PTP4A1: variants seen among roughly 807,000 people sequenced by gnomAD.
PTP4A1 encodes protein tyrosine phosphatase 4A1.
A neutral mutation model predicts 20.5 loss-of-function variants in PTP4A1; 9 were observed. The observed-to-expected ratio is 0.44, with a 90% confidence interval of 0.26 to 0.77. The LOEUF (loss-of-function observed/expected upper bound fraction) is 0.77. Among genes scored for constraint, PTP4A1 ranks in the 30% least tolerant of loss-of-function variants. PTP4A1 has a pLI of 0.19. For missense variants in PTP4A1, 137 were observed against 218.8 expected, an observed-to-expected ratio of 0.63 and a Z score of 2.36; for synonymous variants, 78 against 67.4, an observed-to-expected ratio of 1.16 and a Z score of -0.77.
At chr6:63,567,744 T>C (rs1777250551), upstream of PTP4A1, among the ~76,000 whole-genome samples, 1 of 152,254 alleles carries the variant, frequency 6.6e-6, no homozygotes, top group Non-Finnish European at 1.5e-5. Context: ...TATGAAAGTC[T>C]TGGACAGCAT....
intron 2 of PTP4A1, among the ~76,000 whole-genome samples, chr6:63,545,789 T>G (rs950792416): frequency 6.6e-6 from 1 of 152,194 alleles, no homozygotes; most frequent in Non-Finnish European, 1.5e-5. Flanking sequence ...ACTCTGAGAT[T>G]CATTCTAGCT....
chr6:63,550,902 A>G (rs1160566154), intron 3 of PTP4A1, among the ~76,000 whole-genome samples: 3 of 152,158 alleles, frequency 2.0e-5, no homozygotes, highest in Admixed American at 6.5e-5. Context: ...TTTGGATTAC[A>G]TGGATGAGCC....
chr6:63,579,745 C>A (rs1265315143), intron 5 of PTP4A1, among the ~76,000 whole-genome samples: 1 of 152,186 alleles, frequency 6.6e-6, no homozygotes, highest in Non-Finnish European at 1.5e-5. Context: ...TTGTAGTCAT[C>A]TTCCCTGCTA....
In PTP4A1 at chr6:63,523,398, A is replaced by G. The variant is rs190202893; in HGVS notation, c.-906+1572A>G. Among the ~76,000 whole-genome samples, 152 of 152,048 alleles carry G rather than the reference A, an allele frequency of 1.0e-3. 1 individual carries two copies. Among genetic ancestry groups the G allele is most frequent in the African/African-American group, 3.4e-3 (141 of 41,508 alleles). ...AAAACACAAAAATTAGCCAGGCATG[A>G]TGGGGCATGCCTGTAGTCCCAGCTA... On this transcript the variant is annotated intron_variant, in intron 1 of 3. Coordinates refer to the PTP4A1 transcript ENST00000639568.
chr6:63,546,706 C>CAA (rs34935752), intron 2 of PTP4A1, among the ~76,000 whole-genome samples: 15 of 140,320 alleles, frequency 1.1e-4, no homozygotes, highest in African/African-American at 3.7e-4. Flanking sequence ...AACTCCATCT[C>CAA]AAAAAAAAAA....
At chr6:63,577,039 C>A in intron 2 of PTP4A1, 54 bp downstream of exon 2, 2 of 1,362,232 alleles carry the variant, frequency 1.5e-6, no homozygotes, top group South Asian at 1.2e-5. Flanking sequence ...AATAGTGGGA[C>A]TTATAGCTAA....
At chr6:63,540,297 C>T (rs1325855744) in intron 2 of PTP4A1, among the ~76,000 whole-genome samples, 1 of 152,052 alleles carries the variant, frequency 6.6e-6, no homozygotes, top group Non-Finnish European at 1.5e-5. Context: ...AAATCCAGTC[C>T]TTAAAATCCA....
intron 2 of PTP4A1, among the ~76,000 whole-genome samples, chr6:63,529,151 A>ATATATATGTGTGTATATATATATATG (rs1775334207): frequency 3.7e-5 from 4 of 106,724 alleles, no homozygotes; most frequent in Admixed American, 1.9e-4. Flanking sequence ...ATATATATGT[A>ATATATATGTGTGTATATATATATATG]TATATATGTG....
exon 3 of PTP4A1, chr6:63,550,300 G>A (rs1421059215): frequency 2.0e-5 from 3 of 152,116 alleles, no homozygotes; most frequent in Non-Finnish European, 4.4e-5. Flanking sequence ...AATCAACCAG[G>A]GCAGTGTGCC....
chr6:63,533,151 G>A (rs1775548631), intron 2 of PTP4A1, among the ~76,000 whole-genome samples: 1 of 152,224 alleles, frequency 6.6e-6, no homozygotes, highest in African/African-American at 2.4e-5. Context: ...GGAGGCTGAG[G>A]CAGGTGGGTC....
Position 63,572,695 on chromosome 6 carries a change from A to G in PTP4A1, c.-470A>G, listed in dbSNP as rs914770746. On this transcript the variant is annotated 5_prime_UTR_variant, in exon 1 of 6. Coordinates refer to ENST00000626021, the MANE Select transcript of PTP4A1 (RefSeq NM_003463.5). Reference sequence around the variant, plus strand: ...GGACCGGCTGTATGATTAGGCCACAATCTTCAATGAGTAAACATATTCCTG... The same window carrying G: ...GGACCGGCTGTATGATTAGGCCACAGTCTTCAATGAGTAAACATATTCCTG... 6 of 402,068 alleles carry G rather than the reference A, an allele frequency of 1.5e-5. No individual in the cohort carries two copies. The highest frequency in any genetic ancestry group is 4.4e-5 in the Admixed American group (1 of 22,726). 24.9% of individuals were successfully genotyped at this position (402,068 alleles called of 1,614,324 possible). A position where few individuals can be genotyped will look rare whatever the true frequency, so the allele number is the denominator to read the frequency against.
Position 63,581,391 on chromosome 6 carries a change from C to T in PTP4A1, c.*1217C>T, listed in dbSNP as rs1778213585. The T allele has an allele frequency of 6.6e-6, 1 of 152,464 alleles. No homozygotes were observed. Among genetic ancestry groups the T allele is most frequent in the African/African-American group, 2.4e-5 (1 of 41,406 alleles). 9.4% of individuals were successfully genotyped at this position (152,464 alleles called of 1,614,324 possible). On this transcript the variant is annotated 3_prime_UTR_variant, in exon 6 of 6. Coordinates refer to ENST00000626021, the MANE Select transcript of PTP4A1 (RefSeq NM_003463.5). ...GAGAAATAATTTTGTCAGTGTTCAC[C>T]AGCTTGTAAAAACTTAGTGCGAGAG...
At chr6:63,578,381 T>G in intron 2 of PTP4A1, 56 bp from the exon 3 acceptor site, 3 of 1,534,104 alleles carry the variant, frequency 2.0e-6, no homozygotes, top group Non-Finnish European at 2.6e-6. Flanking sequence ...TATAAAATGT[T>G]GAGTTATAGT....
At position 63,582,010 on chromosome 6, in the gene PTP4A1, C is replaced by T. The variant is rs1310594185; in HGVS notation, c.*1836C>T. 3 of 152,076 alleles carry T rather than the reference C, an allele frequency of 2.0e-5. No individual in the cohort carries two copies. The highest frequency in any genetic ancestry group is 4.4e-5 in the Non-Finnish European group (3 of 67,994). 9.4% of individuals were successfully genotyped at this position (152,076 alleles called of 1,614,324 possible). ...AGTTTAAGTAAAAAGTGATACTCCA[C>T]CTTGTGTTTCAAAGAATTTAGTTCC... On this transcript the variant is annotated 3_prime_UTR_variant, in exon 6 of 6. Coordinates refer to ENST00000626021, the MANE Select transcript of PTP4A1 (RefSeq NM_003463.5).
chr6:63,529,149 G>T (rs1472187539), intron 2 of PTP4A1, among the ~76,000 whole-genome samples: 1 of 108,806 alleles, frequency 9.2e-6, no homozygotes, highest in South Asian at 2.9e-4. Context: ...ATATATATAT[G>T]TATATATATG....
At chr6:63,572,409 A>G, upstream of PTP4A1, 1 of 342,630 alleles carries the variant, frequency 2.9e-6, no homozygotes, top group Non-Finnish European at 5.2e-6. Flanking sequence ...CCGCGGTTCC[A>G]GGCCGCGATT....
At chr6:63,540,946 T>A (rs1581920432) in intron 2 of PTP4A1, among the ~76,000 whole-genome samples, 1 of 148,052 alleles carries the variant, frequency 6.8e-6, no homozygotes, top group East Asian at 2.0e-4. Context: ...GAGGTTGCAG[T>A]GAGCCAAGAT....
Position 63,582,261 on chromosome 6 carries a change from A to C in PTP4A1, c.*2087A>C, listed in dbSNP as rs917628598. The C allele has an allele frequency of 6.6e-6, 1 of 152,582 alleles. No homozygotes were observed. Among genetic ancestry groups the C allele is most frequent in the African/African-American group, 2.4e-5 (1 of 41,428 alleles). The allele number at this position is 152,582 out of a possible 1,614,324, so 9.5% of individuals were successfully genotyped here. Reference sequence around the variant, plus strand: ...TTTATATAATCAATTACTAAATGTTAAACTATTACCACACAGCCCATAAAA... The same window carrying C: ...TTTATATAATCAATTACTAAATGTTCAACTATTACCACACAGCCCATAAAA... On this transcript the variant is annotated 3_prime_UTR_variant, in exon 6 of 6. Transcript: ENST00000626021.
upstream of PTP4A1, among the ~76,000 whole-genome samples, chr6:63,518,667 G>A (rs1010446514): frequency 2.0e-5 from 3 of 152,168 alleles, no homozygotes; most frequent in East Asian, 1.9e-4. Context: ...TACAGCTAAG[G>A]TTCTTTCTAG....
Sources: allele counts gnomAD v4.1 joint callset (sites outside exome capture counted in the v4.1 genomes callset), GRCh38; gene constraint gnomAD v4.1.1; transcripts MANE v1.5; gene names NCBI Gene and HGNC (gene_info 2026-07-23, HGNC 2026-07-21).